SMAD7: variants seen among roughly 807,000 people sequenced by gnomAD.
SMAD7 encodes the protein SMAD family member 7.
SMAD7 carries 8 observed loss-of-function variants against 38.7 expected under a neutral mutation model. The ratio of observed to expected loss-of-function variants is 0.21; its 90% CI spans 0.12 to 0.37. The LOEUF is 0.37. Ranked by LOEUF, SMAD7 falls within the 10% of genes least tolerant of loss-of-function variation. SMAD7 has a pLI of 1.00. For synonymous variants in SMAD7, 327 were observed against 265.1 expected, an observed-to-expected ratio of 1.23 and a Z score of -2.27; for missense variants, 477 against 577.9, an observed-to-expected ratio of 0.83 and a Z score of 1.79.
chr18:48,935,813 A>G (rs12967711), intron 3 of SMAD7, among the ~76,000 whole-genome samples: 45,845 of 151,830 alleles, frequency 0.3, 7,450 homozygotes, highest in African/African-American at 0.41. Context: ...GCGTGGTGGT[A>G]CACGCCTATA....
chr18:48,937,812 C>T (rs1241990958), intron 3 of SMAD7, among the ~76,000 whole-genome samples: 1 of 152,246 alleles, frequency 6.6e-6, no homozygotes, highest in Admixed American at 6.5e-5. Flanking sequence ...CACCTGTCCA[C>T]CTGAGTCCCC....
intron 3 of SMAD7, among the ~76,000 whole-genome samples, chr18:48,935,302 C>T (rs760446411): frequency 5.3e-5 from 8 of 152,216 alleles, no homozygotes; most frequent in East Asian, 1.9e-4. Flanking sequence ...AATATCTTCC[C>T]GCTGAAAATA....
chr18:48,937,054 G>A (rs1266462053), intron 3 of SMAD7, among the ~76,000 whole-genome samples: 2 of 151,626 alleles, frequency 1.3e-5, no homozygotes, highest in Non-Finnish European at 2.9e-5. Flanking sequence ...ACTCCAGCCT[G>A]GGCGACAGAG....
intron 3 of SMAD7, among the ~76,000 whole-genome samples, chr18:48,941,140 ACT>A (rs1452788536): frequency 1.3e-5 from 2 of 151,334 alleles, no homozygotes; most frequent in African/African-American, 4.9e-5. Flanking sequence ...TCTTTCAAGA[ACT>A]CTCTCAGCCT....
chr18:48,925,281 T>C (rs1419200961), intron 3 of SMAD7, among the ~76,000 whole-genome samples: 1 of 152,258 alleles, frequency 6.6e-6, no homozygotes, highest in African/African-American at 2.4e-5. Flanking sequence ...CAGTATGTGT[T>C]CATTTTAAAG....
intron 2 of SMAD7, among the ~76,000 whole-genome samples, chr18:48,942,997 T>C (rs2070159259): frequency 1.3e-5 from 2 of 152,352 alleles, no homozygotes; most frequent in South Asian, 4.1e-4. Context: ...TTCCCAGTTC[T>C]TGAAAACATT....
chr18:48,947,930 T>G (rs1234800901), intron 2 of SMAD7, among the ~76,000 whole-genome samples: 1 of 136,218 alleles, frequency 7.3e-6, no homozygotes, highest in Non-Finnish European at 1.6e-5. Flanking sequence ...CCTATACTTC[T>G]GAAAAGTTCT....
At chr18:48,926,811 C>T (rs1156704622) in intron 3 of SMAD7, among the ~76,000 whole-genome samples, 6 of 152,208 alleles carry the variant, frequency 3.9e-5, no homozygotes, top group South Asian at 2.1e-4. Context: ...GTTAACAGCA[C>T]CCATCCCCTG....
intron 3 of SMAD7, among the ~76,000 whole-genome samples, chr18:48,930,607 G>A (rs147306794): frequency 2.0e-5 from 3 of 152,056 alleles, no homozygotes; most frequent in African/African-American, 4.8e-5. Context: ...CTCCCCCACC[G>A]CGCAGGGACA....
Position 48,940,468 on chromosome 18 carries a change from C to T in SMAD7, c.742+2013G>A, listed in dbSNP as rs995804524. On this transcript the variant is annotated intron_variant, in intron 3 of 3. Transcript: ENST00000262158. ...CTTTGGGGAAAAAAAGCCCACCCATCGGCCAGGCGCAGTGGCTCACACCTG... is the reference window on the plus strand; with the variant it reads ...CTTTGGGGAAAAAAAGCCCACCCATTGGCCAGGCGCAGTGGCTCACACCTG... Among the ~76,000 whole-genome samples, 5 of 152,090 alleles carry T rather than the reference C, an allele frequency of 3.3e-5. No individual in the cohort carries two copies. In the East Asian group the frequency reaches 5.8e-4, roughly 18 times the overall value.
At chr18:48,923,311 CAAT>C (rs2069886213) in intron 3 of SMAD7, among the ~76,000 whole-genome samples, 1 of 152,094 alleles carries the variant, frequency 6.6e-6, no homozygotes, top group Admixed American at 6.5e-5. Flanking sequence ...GGTTCAGAGT[CAAT>C]GATGATGGGT....
chr18:48,947,497 G>GT (rs1451640229), intron 2 of SMAD7, among the ~76,000 whole-genome samples: 5 of 152,252 alleles, frequency 3.3e-5, no homozygotes, highest in African/African-American at 9.6e-5. Context: ...AAGTATTAAT[G>GT]TTTTTTTCAG....
intron 3 of SMAD7, among the ~76,000 whole-genome samples, chr18:48,929,622 A>C (rs2069972318): frequency 1.4e-5 from 2 of 144,688 alleles, no homozygotes; most frequent in South Asian, 4.3e-4. Context: ...GAAAATCTTA[A>C]TACAAACCAC....
chr18:48,946,166 C>G (rs1361669033), intron 2 of SMAD7, among the ~76,000 whole-genome samples: 2 of 152,202 alleles, frequency 1.3e-5, no homozygotes, highest in Non-Finnish European at 2.9e-5. Context: ...GGATGTATTC[C>G]TTTAGTTGTG....
At chr18:48,936,103 C>A (rs1450762826) in intron 3 of SMAD7, among the ~76,000 whole-genome samples, 1 of 29,706 alleles carries the variant, frequency 3.4e-5, no homozygotes, top group Admixed American at 3.6e-4. Context: ...CACACACACA[C>A]ACACACACAC....
At chr18:48,934,213 C>T (rs538527995) in intron 3 of SMAD7, among the ~76,000 whole-genome samples, 1 of 152,262 alleles carries the variant, frequency 6.6e-6, no homozygotes, top group South Asian at 2.1e-4. Context: ...CGTTACTGGA[C>T]ACAGCTGTAC....
intron 3 of SMAD7, among the ~76,000 whole-genome samples, chr18:48,940,978 C>G (rs780435839): frequency 2.0e-5 from 3 of 152,150 alleles, no homozygotes; most frequent in Non-Finnish European, 4.4e-5. Flanking sequence ...CGAAAGGACC[C>G]TTTCAAAAGC....
At chr18:48,938,271 G>A (rs777999266) in intron 3 of SMAD7, among the ~76,000 whole-genome samples, 1 of 152,156 alleles carries the variant, frequency 6.6e-6, no homozygotes, top group Admixed American at 6.5e-5. Context: ...ACTCAAGGAC[G>A]CTCCCATCCC....
At chr18:48,947,672 G>A (rs1024637916) in intron 2 of SMAD7, among the ~76,000 whole-genome samples, 11 of 152,228 alleles carry the variant, frequency 7.2e-5, no homozygotes, top group South Asian at 4.1e-4. Context: ...GATGTCCAGA[G>A]GATGGACCCC....
Sources: gnomAD v4.1 joint callset for allele counts (sites outside exome capture counted in the v4.1 genomes callset) on GRCh38, gnomAD v4.1.1 for gene constraint, MANE v1.5 for transcripts, NCBI Gene and HGNC (gene_info 2026-07-23, HGNC 2026-07-21) for gene names.